The following TBC1D14 variants were observed in gnomAD, a reference collection of about 807,000 sequenced individuals.
TBC1D14 encodes TBC1 domain family member 14.
A neutral mutation model predicts 79.0 loss-of-function variants in TBC1D14; 26 were observed. The ratio of observed to expected loss-of-function variants is 0.33; its 90% CI spans 0.24 to 0.46. TBC1D14 has a LOEUF of 0.46. TBC1D14 is among the 20% of genes least tolerant of loss of function. The pLI is 1.00. For missense variants in TBC1D14, 769 were observed against 887.6 expected, an observed-to-expected ratio of 0.87 and a Z score of 1.70; for synonymous variants, 394 against 349.9, an observed-to-expected ratio of 1.13 and a Z score of -1.40.
chr4:7,011,665 T>C (rs4689573), intron 11 of TBC1D14, among the ~76,000 whole-genome samples: 112,290 of 151,708 alleles, frequency 0.74, 42,145 homozygotes, highest in East Asian at 0.97. Flanking sequence ...CAAGCAATTA[T>C]CGTGTCTCAG....
At chr4:6,951,379 G>T (rs535325865) in intron 2 of TBC1D14, among the ~76,000 whole-genome samples, 11 of 152,094 alleles carry the variant, frequency 7.2e-5, no homozygotes, top group Non-Finnish European at 1.3e-4. Context: ...TATATGAATT[G>T]AAACAATAAT....
chr4:6,961,550 C>T (rs1455618955), intron 2 of TBC1D14, among the ~76,000 whole-genome samples: 2 of 152,112 alleles, frequency 1.3e-5, no homozygotes, highest in East Asian at 1.9e-4. Flanking sequence ...CCTGAGTCTC[C>T]TCTCGGGGGC....
At chr4:6,939,255 G>A (rs541297136) in intron 2 of TBC1D14, among the ~76,000 whole-genome samples, 33 of 152,220 alleles carry the variant, frequency 2.2e-4, no homozygotes, top group Middle Eastern at 3.4e-3. Context: ...TGCAGGCCTG[G>A]AGACCCCTCC....
chr4:7,017,786 A>G (rs1219783187), intron 12 of TBC1D14, among the ~76,000 whole-genome samples: 1 of 152,232 alleles, frequency 6.6e-6, no homozygotes, highest in Non-Finnish European at 1.5e-5. Context: ...ATAGAAAGGC[A>G]TTAGTAAATA....
intron 3 of TBC1D14, among the ~76,000 whole-genome samples, chr4:6,969,044 T>G (rs1241765526): frequency 6.6e-6 from 1 of 152,206 alleles, no homozygotes; most frequent in African/African-American, 2.4e-5. Context: ...GCCACATTCT[T>G]CACGCGTCGG....
At chr4:7,026,346 C>T (rs940150218) in intron 13 of TBC1D14, among the ~76,000 whole-genome samples, 6 of 152,134 alleles carry the variant, frequency 3.9e-5, no homozygotes, top group South Asian at 2.1e-4. Context: ...TTGGTGTTAG[C>T]GATCTCTGAC....
intron 5 of TBC1D14, chr4:6,997,343 AAGGCCAG>A (rs979844419): frequency 1.3e-5 from 2 of 152,134 alleles, no homozygotes; most frequent in Non-Finnish European, 2.9e-5. Flanking sequence ...AAAAATAAAA[AAGGCCAG>A]GCATGGTGGC....
intron 2 of TBC1D14, among the ~76,000 whole-genome samples, chr4:6,937,617 G>A (rs1215418005): frequency 6.6e-6 from 1 of 152,214 alleles, no homozygotes; most frequent in Admixed American, 6.5e-5. Flanking sequence ...CCTGCCAGGT[G>A]ATCAGGGACC....
At chr4:7,011,244 C>T (rs991319174) in intron 11 of TBC1D14, among the ~76,000 whole-genome samples, 8 of 151,848 alleles carry the variant, frequency 5.3e-5, no homozygotes, top group African/African-American at 9.7e-5. Flanking sequence ...AGACCATACT[C>T]CTTTATTTTT....
chr4:7,028,422 G>A (rs1403017880), intron 13 of TBC1D14, among the ~76,000 whole-genome samples: 1 of 150,174 alleles, frequency 6.7e-6, no homozygotes, highest in Non-Finnish European at 1.5e-5. Context: ...CGTGCTGTCA[G>A]TTTTTTGTTT....
intron 8 of TBC1D14, 71 bp from the exon 9 acceptor site, chr4:7,006,561 C>T (rs1373078040): frequency 3.5e-6 from 5 of 1,429,274 alleles, no homozygotes; most frequent in Non-Finnish European, 1.9e-6. Context: ...TCTTGTAAAA[C>T]TTCAAAGGCT....
chr4:7,014,358 TAG>T, intron 11 of TBC1D14, 88 bp from the exon 12 acceptor site: 1 of 759,174 alleles, frequency 1.3e-6, no homozygotes, highest in South Asian at 1.6e-5. Flanking sequence ...AGGTAATTGT[TAG>T]AGTCTAAAGA....
At chr4:6,988,885 C>CTTTTTTTTTTTTTTTTTTTTTTTTT (rs34268749) in intron 3 of TBC1D14, among the ~76,000 whole-genome samples, 14 of 76,806 alleles carry the variant, frequency 1.8e-4, no homozygotes, top group South Asian at 5.7e-4. Context: ...TTCTTTCTTT[C>CTTTTTTTTTTTTTTTTTTTTTTTTT]TTTTTTTTTT....
intron 13 of TBC1D14, 101 bp downstream of exon 13, chr4:7,025,363 T>C (rs1722255886): frequency 2.0e-6 from 3 of 1,527,188 alleles, no homozygotes; most frequent in South Asian, 1.3e-5. Context: ...CGTAGCCCCT[T>C]TGATGGAGTC....
At chr4:6,996,534 G>GT (rs1719059536) in intron 5 of TBC1D14, 127 bp downstream of exon 5, 2 of 574,270 alleles carry the variant, frequency 3.5e-6, no homozygotes, top group Non-Finnish European at 5.8e-6. Flanking sequence ...TAGTCTTCCA[G>GT]TAAAAAAAAA....
chr4:7,027,920 A>AC (rs1259912620), intron 13 of TBC1D14, among the ~76,000 whole-genome samples: 17 of 134,190 alleles, frequency 1.3e-4, no homozygotes, highest in African/African-American at 4.9e-4. Flanking sequence ...ATACACAATC[A>AC]CCCCACACAG....
At chr4:7,016,648 G>A (rs933794692) in intron 12 of TBC1D14, among the ~76,000 whole-genome samples, 3 of 152,228 alleles carry the variant, frequency 2.0e-5, no homozygotes, top group Non-Finnish European at 2.9e-5. Context: ...AACTTAACAC[G>A]TACGTATGCT....
intron 8 of TBC1D14, among the ~76,000 whole-genome samples, chr4:7,005,851 T>TAG (rs1327387882): frequency 2.0e-5 from 3 of 152,228 alleles, no homozygotes; most frequent in Non-Finnish European, 4.4e-5. Context: ...TACTGGCTTA[T>TAG]AGAGGAGCTC....
intron 3 of TBC1D14, among the ~76,000 whole-genome samples, chr4:6,993,853 T>C (rs2109154029): frequency 6.6e-6 from 1 of 152,118 alleles, no homozygotes; most frequent in East Asian, 1.9e-4. Context: ...CTACTAAAAA[T>C]AAAAAAATTA....
Sources: allele counts gnomAD v4.1 joint callset (sites outside exome capture counted in the v4.1 genomes callset), GRCh38; gene constraint gnomAD v4.1.1; transcripts MANE v1.5; gene names NCBI Gene and HGNC (gene_info 2026-07-23, HGNC 2026-07-21).